The following EFCAB6 variants were observed in gnomAD, a reference collection of about 807,000 sequenced individuals.
The protein encoded by EFCAB6 is EF-hand calcium binding domain 6, also known as EF-hand calcium-binding domain-containing protein 6.
Under a neutral mutation model 169.8 loss-of-function variants are expected in EFCAB6, and 156 were observed. That is an observed-to-expected ratio of 0.92 (90% CI 0.81 to 1.05). The LOEUF (loss-of-function observed/expected upper bound fraction) is 1.05, where lower values mean the gene tolerates loss of function less well. Among genes scored for constraint, EFCAB6 ranks in the 50% least tolerant of loss-of-function variants. The probability of loss-of-function intolerance (pLI) is 0.00; values close to 1 mark genes in which losing one functional copy is unlikely to be tolerated. For synonymous variants in EFCAB6, 698 were observed against 676.4 expected (o/e 1.03, Z -0.50); for missense variants, 1,800 against 1,829.1 (o/e 0.98, Z 0.29).
chr22:43,635,214 T>A lies in EFCAB6; in HGVS notation c.1986A>T (p.Val662=). ...CCATGGGCATCCCAGTGTCTTCCAGTACCTGACGAGGGAGACAGGGGAGGG... is the reference window on the plus strand; with the variant it reads ...CCATGGGCATCCCAGTGTCTTCCAGAACCTGACGAGGGAGACAGGGGAGGG... ...GKINVHDFKK[V]LEDTGMPMDD... Residue 662 remains valine (V), a splice_region_variant and synonymous_variant, in exon 18 of 32, where the codon GTA becomes GTT. Coordinates refer to ENST00000262726, the MANE Select transcript of EFCAB6 (RefSeq NM_022785.4). 6.2e-7 allele frequency: 1 copy of A among 1,612,268 alleles called. No individual in the cohort carries two copies. Among genetic ancestry groups the A allele is most frequent in the Non-Finnish European group, 8.5e-7 (1 of 1,178,388 alleles).
At chr22:43,548,782 A>G (rs2048223618) in intron 27 of EFCAB6, among the ~76,000 whole-genome samples, 1 of 152,134 alleles carries the variant, frequency 6.6e-6, no homozygotes, top group Non-Finnish European at 1.5e-5. Context: ...TTTGAAGGGC[A>G]TAAATAACAA....
At chr22:43,733,283 C>T (rs191037485) in intron 7 of EFCAB6, among the ~76,000 whole-genome samples, 5 of 152,212 alleles carry the variant, frequency 3.3e-5, no homozygotes, top group Non-Finnish European at 7.3e-5. Context: ...ACCTCTCCAG[C>T]GTCACCACCT....
At chr22:43,718,338 T>C (rs922695373) in intron 8 of EFCAB6, among the ~76,000 whole-genome samples, 2 of 152,132 alleles carry the variant, frequency 1.3e-5, no homozygotes, top group Non-Finnish European at 1.5e-5. Flanking sequence ...TGTCTGCAAA[T>C]ACGCTTCAGC....
At chr22:43,582,257 G>C (rs1411888764) in intron 24 of EFCAB6, among the ~76,000 whole-genome samples, 2 of 151,942 alleles carry the variant, frequency 1.3e-5, no homozygotes, top group Admixed American at 1.3e-4. Flanking sequence ...GCTGGAAATA[G>C]ATTCAGTGAA....
chr22:43,736,874 G>A (rs1377387721), intron 6 of EFCAB6, among the ~76,000 whole-genome samples: 2 of 151,886 alleles, frequency 1.3e-5, no homozygotes, highest in African/African-American at 2.4e-5. Flanking sequence ...CCAGCCCCAC[G>A]CTGCAGCCGC....
At chr22:43,784,598 T>TACACATATATGTGTATATATAC (rs2061977663) in intron 2 of EFCAB6, among the ~76,000 whole-genome samples, 1 of 64,868 alleles carries the variant, frequency 1.5e-5, no homozygotes, top group Non-Finnish European at 3.2e-5. Context: ...TATGTATATA[T>TACACATATATGTGTATATATAC]ACACATATAT....
At chr22:43,718,662 T>C (rs1293515379) in intron 8 of EFCAB6, among the ~76,000 whole-genome samples, 1 of 152,100 alleles carries the variant, frequency 6.6e-6, no homozygotes, top group Non-Finnish European at 1.5e-5. Flanking sequence ...ACGCCTATAG[T>C]CCCAGCTCCT....
intron 27 of EFCAB6, among the ~76,000 whole-genome samples, chr22:43,548,052 C>T (rs1014019287): frequency 1.0e-4 from 15 of 150,320 alleles, no homozygotes; most frequent in African/African-American, 2.9e-4. Context: ...GCCAAGAGGG[C>T]GCCACTGCAC....
At chr22:43,738,189 T>C (rs1272621827) in intron 6 of EFCAB6, among the ~76,000 whole-genome samples, 1 of 147,494 alleles carries the variant, frequency 6.8e-6, no homozygotes, top group Non-Finnish European at 1.5e-5. Context: ...CACACACACC[T>C]GCATATACTC....
intron 13 of EFCAB6, among the ~76,000 whole-genome samples, chr22:43,676,459 CA>C (rs894571684): frequency 6.9e-6 from 1 of 145,502 alleles, no homozygotes; most frequent in Non-Finnish European, 1.5e-5. Context: ...ACCATGTAAA[CA>C]AAAAAATGTG....
At chr22:43,772,594 T>G (rs2061505487) in intron 4 of EFCAB6, among the ~76,000 whole-genome samples, 1 of 141,184 alleles carries the variant, frequency 7.1e-6, no homozygotes. Flanking sequence ...TGAGCCAAGA[T>G]CACACCATTG....
intron 6 of EFCAB6, among the ~76,000 whole-genome samples, chr22:43,754,283 G>GA (rs1219154860): frequency 6.6e-6 from 1 of 152,174 alleles, no homozygotes; most frequent in Non-Finnish European, 1.5e-5. Flanking sequence ...ACTGACAGGT[G>GA]AAAAAACCTA....
At chr22:43,739,181 G>T (rs953982196) in intron 6 of EFCAB6, among the ~76,000 whole-genome samples, 7 of 152,184 alleles carry the variant, frequency 4.6e-5, no homozygotes, top group Admixed American at 3.3e-4. Context: ...CACAAACACT[G>T]TTCTTGTCAG....
intron 24 of EFCAB6, among the ~76,000 whole-genome samples, chr22:43,586,205 A>C (rs1033041367): frequency 1.3e-5 from 2 of 152,176 alleles, no homozygotes; most frequent in African/African-American, 4.8e-5. Context: ...CAGCCATGTC[A>C]TCAGGTACAG....
intron 2 of EFCAB6, among the ~76,000 whole-genome samples, chr22:43,808,294 T>C (rs2062987843): frequency 6.6e-6 from 1 of 152,246 alleles, no homozygotes; most frequent in Non-Finnish European, 1.5e-5. Context: ...TGAACATCCA[T>C]GAATCTAGGT....
chr22:43,704,672 G>A (rs2058890141), intron 10 of EFCAB6, among the ~76,000 whole-genome samples: 1 of 151,520 alleles, frequency 6.6e-6, no homozygotes, highest in African/African-American at 2.4e-5. Context: ...TCAAAGTTAA[G>A]TTGTTATCAG....
At chr22:43,648,246 G>T (rs1203866036) in intron 17 of EFCAB6, among the ~76,000 whole-genome samples, 1 of 152,098 alleles carries the variant, frequency 6.6e-6, no homozygotes, top group Non-Finnish European at 1.5e-5. Flanking sequence ...CCACACACAG[G>T]CACACAGTTA....
At chr22:43,531,502 T>C (rs892887984) in intron 30 of EFCAB6, among the ~76,000 whole-genome samples, 8 of 152,254 alleles carry the variant, frequency 5.3e-5, no homozygotes, top group African/African-American at 1.9e-4. Flanking sequence ...CTGTGATTAC[T>C]TCATTTAGGT....
chr22:43,586,781 G>A (rs148120868), intron 24 of EFCAB6, among the ~76,000 whole-genome samples: 2 of 152,212 alleles, frequency 1.3e-5, no homozygotes, highest in East Asian at 1.9e-4. Context: ...CTGAGCCCTC[G>A]TTATGAATGC....
Sources: allele counts gnomAD v4.1 joint callset (sites outside exome capture counted in the v4.1 genomes callset), GRCh38; gene constraint gnomAD v4.1.1; transcripts MANE v1.5; gene names NCBI Gene and HGNC (gene_info 2026-07-23, HGNC 2026-07-21).